NEK11: variants seen among roughly 807,000 people sequenced by gnomAD.
NEK11 encodes serine/threonine-protein kinase Nek11.
Under a neutral mutation model 80.7 loss-of-function variants are expected in NEK11, and 72 were observed. That is an observed-to-expected ratio of 0.89 (90% CI 0.74 to 1.08). The LOEUF is 1.08. Ranked by LOEUF, NEK11 falls within the 50% of genes least tolerant of loss-of-function variation. The pLI is 0.00. For missense variants in NEK11, 764 were observed against 763.6 expected, an observed-to-expected ratio of 1.00 and a Z score of -0.01; for synonymous variants, 251 against 260.7, an observed-to-expected ratio of 0.96 and a Z score of 0.36.
At chr3:131,181,542 G>T (rs565961085) in intron 14 of NEK11, among the ~76,000 whole-genome samples, 2 of 151,850 alleles carry the variant, frequency 1.3e-5, no homozygotes, top group Non-Finnish European at 2.9e-5. Context: ...GTCAGGAGAT[G>T]GAGACCATCC....
At chr3:131,116,828 A>AT (rs1271611279) in intron 5 of NEK11, among the ~76,000 whole-genome samples, 2 of 151,574 alleles carry the variant, frequency 1.3e-5, no homozygotes, top group African/African-American at 4.9e-5. Flanking sequence ...GGGTTGTTTG[A>AT]TTTTTTCTTG....
chr3:131,330,190 A>C (rs60865035), intron 17 of NEK11: 18,164 of 152,236 alleles, frequency 0.12, 1,531 homozygotes, highest in East Asian at 0.3. Context: ...AGAGGAATCA[A>C]AGATAACTCA....
At chr3:131,332,964 A>C (rs1244803338) in intron 17 of NEK11, among the ~76,000 whole-genome samples, 1 of 152,198 alleles carries the variant, frequency 6.6e-6, no homozygotes, top group Non-Finnish European at 1.5e-5. Context: ...ATATGGGACT[A>C]TGTGAAAAGA....
chr3:131,107,479 C>G (rs1019052546), intron 4 of NEK11, among the ~76,000 whole-genome samples: 1 of 152,028 alleles, frequency 6.6e-6, no homozygotes, highest in African/African-American at 2.4e-5. Flanking sequence ...TCCTTTCACT[C>G]CTCTTCTGAA....
chr3:131,051,295 A>G (rs1187445752), intron 3 of NEK11, among the ~76,000 whole-genome samples: 2 of 152,182 alleles, frequency 1.3e-5, no homozygotes, highest in Non-Finnish European at 2.9e-5. Context: ...TAACTCTGTG[A>G]CACTCCACAT....
intron 14 of NEK11, among the ~76,000 whole-genome samples, chr3:131,204,548 G>T (rs1439257786): frequency 6.6e-6 from 1 of 151,942 alleles, no homozygotes; most frequent in Non-Finnish European, 1.5e-5. Context: ...CACCCAGCTG[G>T]TGTCCATTGC....
intron 14 of NEK11, among the ~76,000 whole-genome samples, chr3:131,200,481 G>A (rs369648425): frequency 2.6e-5 from 4 of 152,180 alleles, no homozygotes; most frequent in African/African-American, 7.2e-5. Context: ...ACTCCTGGGT[G>A]TATTCCTTAG....
intron 4 of NEK11, among the ~76,000 whole-genome samples, chr3:131,090,494 T>C (rs1055978747): frequency 5.9e-5 from 9 of 152,182 alleles, no homozygotes; most frequent in African/African-American, 2.2e-4. Context: ...CTATTAAATA[T>C]TTCTCAAGGA....
chr3:131,263,144 G>T (rs1203302793), intron 16 of NEK11, among the ~76,000 whole-genome samples: 1 of 151,136 alleles, frequency 6.6e-6, no homozygotes, highest in Non-Finnish European at 1.5e-5. Context: ...CCATTAACTC[G>T]TCATTTACAT....
At chr3:131,154,550 T>A (rs2090304294) in intron 9 of NEK11, among the ~76,000 whole-genome samples, 1 of 152,216 alleles carries the variant, frequency 6.6e-6, no homozygotes, top group South Asian at 2.1e-4. Flanking sequence ...AAAGTTTTGC[T>A]ATTGTATTCT....
chr3:131,135,454 T>A (rs2085381435), intron 7 of NEK11, among the ~76,000 whole-genome samples: 1 of 152,166 alleles, frequency 6.6e-6, no homozygotes, highest in Admixed American at 6.5e-5. Flanking sequence ...GAATAACTAA[T>A]GAGTTCCTTT....
intron 10 of NEK11, among the ~76,000 whole-genome samples, chr3:131,156,916 C>T (rs1259697600): frequency 3.4e-5 from 5 of 148,144 alleles, no homozygotes; most frequent in Non-Finnish European, 7.4e-5. Flanking sequence ...TTGTTGGGAT[C>T]GAAAACACTG....
chr3:131,159,216 A>G (rs983360727), intron 10 of NEK11, among the ~76,000 whole-genome samples: 1 of 152,220 alleles, frequency 6.6e-6, no homozygotes, highest in Admixed American at 6.5e-5. Context: ...CGAGAACTCA[A>G]AAAACCAGAC....
chr3:131,276,627 T>C (rs2096296324), intron 17 of NEK11, among the ~76,000 whole-genome samples: 1 of 151,920 alleles, frequency 6.6e-6, no homozygotes. Context: ...TATATACATA[T>C]ACACTTATAA....
intron 15 of NEK11, among the ~76,000 whole-genome samples, chr3:131,228,927 T>C (rs112455616): frequency 1.3e-5 from 2 of 151,972 alleles, no homozygotes; most frequent in South Asian, 2.1e-4. Flanking sequence ...GCTGCACTTA[T>C]TTGGGGGGTT....
At chr3:131,343,770 G>A (rs1448417995) in intron 17 of NEK11, among the ~76,000 whole-genome samples, 1 of 152,208 alleles carries the variant, frequency 6.6e-6, no homozygotes, top group Non-Finnish European at 1.5e-5. Context: ...GCTGAAACCA[G>A]AGCAGCTGGG....
At position 131,216,271 on chromosome 3, in the gene NEK11, G is replaced by A. The variant is rs751667143; in HGVS notation, c.1400-12257G>A. 3.3e-5 allele frequency among the ~76,000 whole-genome samples: 5 copies of A among 152,052 alleles called. No homozygotes were observed. In the South Asian group the frequency reaches 6.2e-4, roughly 19 times the overall value. On this transcript the variant is annotated intron_variant, in intron 14 of 17. Transcript: ENST00000383366. ...AGGACAGCCCAATCAGAGTCTTTTG[G>A]TACATAACCTTTAAATGAGATCTAC...
intron 17 of NEK11, among the ~76,000 whole-genome samples, chr3:131,274,861 G>T (rs1409090107): frequency 7.4e-5 from 11 of 149,656 alleles, no homozygotes; most frequent in Admixed American, 2.7e-4. Flanking sequence ...CACCTTGTTA[G>T]CCAGGATGGT....
At chr3:131,087,118 A>AC (rs1208803226) in intron 4 of NEK11, among the ~76,000 whole-genome samples, 1 of 149,884 alleles carries the variant, frequency 6.7e-6, no homozygotes, top group Non-Finnish European at 1.5e-5. Flanking sequence ...ACTGTTACTC[A>AC]CCCCCCTTTC....
Sources: allele counts gnomAD v4.1 joint callset (sites outside exome capture counted in the v4.1 genomes callset), GRCh38; gene constraint gnomAD v4.1.1; transcripts MANE v1.5; gene names NCBI Gene and HGNC (gene_info 2026-07-23, HGNC 2026-07-21).